The following DPYD variants were observed in gnomAD, a reference collection of about 807,000 sequenced individuals.
DPYD encodes dihydropyrimidine dehydrogenase [NADP(+)].
In DPYD, 109 loss-of-function variants were observed where a neutral mutation model predicts 116.2. The ratio of observed to expected loss-of-function variants is 0.94; its 90% confidence interval spans 0.80 to 1.10. The LOEUF is 1.10. Ranked by LOEUF, DPYD falls within the 50% of genes least tolerant of loss-of-function variation. The pLI is 0.00. For missense variants in DPYD, 1,302 were observed against 1,254.5 expected, an observed-to-expected ratio of 1.04 and a Z score of -0.57; for synonymous variants, 440 against 432.0, an observed-to-expected ratio of 1.02 and a Z score of -0.23.
Position 97,203,674 on chromosome 1 carries a change from C to A in DPYD, c.2443-10426G>T, listed in dbSNP as rs1040926997. Among the ~76,000 whole-genome samples the A allele has an allele frequency of 0.018, 332 of 18,138 alleles. 7 individuals carry two copies. The Middle Eastern group carries it at 0.33, about 18-fold the overall frequency. The allele number at this position is 18,138 out of a possible 152,430, so 11.9% of individuals were successfully genotyped here. A position where few individuals can be genotyped will look rare whatever the true frequency, so the allele number is the denominator to read the frequency against. ...AGGATGAGTTCAGACCCCCCCCCCC[C>A]AAAAAAAAAAAAAGAGAAAAAGTCT... On this transcript the variant is annotated intron_variant, in intron 19 of 22. Transcript: ENST00000370192.
intron 15 of DPYD, among the ~76,000 whole-genome samples, chr1:97,380,674 A>C (rs1254915303): frequency 6.6e-6 from 1 of 152,204 alleles, no homozygotes; most frequent in African/African-American, 2.4e-5. Context: ...GGCATGCTAG[A>C]GTGTTGGTGT....
intron 3 of DPYD, among the ~76,000 whole-genome samples, chr1:97,745,291 C>T (rs1484579439): frequency 1.3e-5 from 2 of 152,130 alleles, no homozygotes; most frequent in Non-Finnish European, 2.9e-5. Context: ...CTTTTAACCA[C>T]ACCTGTGATG....
intron 5 of DPYD, among the ~76,000 whole-genome samples, chr1:97,706,104 C>T (rs900014010): frequency 1.3e-5 from 2 of 151,532 alleles, no homozygotes; most frequent in Non-Finnish European, 2.9e-5. Context: ...ATTTGTCATT[C>T]CTAACCCACT....
Position 97,657,420 on chromosome 1 carries a change from T to C in DPYD, c.850+21675A>G, listed in dbSNP as rs186652017. On this transcript the variant is annotated intron_variant, in intron 8 of 22. Transcript: ENST00000370192. ...ATTTTTAAATTAAATTTCCAAATTC[T>C]AAAACATGCAGTCTTGCCCATCAGC... is the stretch of plus-strand genomic sequence containing the variant. Among the ~76,000 whole-genome samples the C allele has an allele frequency of 6.6e-5, 10 of 152,350 alleles. No individual in the cohort carries two copies. The East Asian group carries it at 1.9e-3, about 29-fold the overall frequency.
At chr1:97,717,639 T>C (rs537059673) in intron 5 of DPYD, among the ~76,000 whole-genome samples, 1 of 152,156 alleles carries the variant, frequency 6.6e-6, no homozygotes, top group Admixed American at 6.6e-5. Context: ...ATTGTATCAT[T>C]CTTATGCTTT....
chr1:97,419,571 G>A (rs1036607578), intron 14 of DPYD, among the ~76,000 whole-genome samples: 2 of 150,990 alleles, frequency 1.3e-5, no homozygotes, highest in African/African-American at 4.9e-5. Flanking sequence ...AATTGAATAC[G>A]ATGAGACAAA....
Position 97,082,803 on chromosome 1 carries a change from C to T in DPYD, c.2767-333G>A, listed in dbSNP as rs2171826. Among the ~76,000 whole-genome samples the T allele has an allele frequency of 0.14, 21,750 of 152,070 alleles. 1,701 individuals carry two copies. The highest frequency in any genetic ancestry group is 0.17 in the Non-Finnish European group (11,849 of 67,934). On this transcript the variant is annotated intron_variant, in intron 21 of 22. Transcript: ENST00000370192. ...TGAGTTGTTATGGCTAACTTTTTCT[C>T]ATTTTTGGACCTTGAAGGACCAAAA...
chr1:97,448,933 G>A (rs1676241986), intron 14 of DPYD, among the ~76,000 whole-genome samples: 1 of 151,716 alleles, frequency 6.6e-6, no homozygotes, highest in Admixed American at 6.6e-5. Context: ...TCAAATGCAT[G>A]TATTTTATGT....
chr1:97,573,132 T>C (rs1653016054), intron 11 of DPYD, among the ~76,000 whole-genome samples: 1 of 152,124 alleles, frequency 6.6e-6, no homozygotes, highest in Non-Finnish European at 1.5e-5. Context: ...AGAAACACTG[T>C]ATGTGGGAAA....
intron 16 of DPYD, among the ~76,000 whole-genome samples, chr1:97,322,182 T>C (rs1668326246): frequency 6.8e-6 from 1 of 147,494 alleles, no homozygotes; most frequent in Admixed American, 6.8e-5. Flanking sequence ...CATGTATACA[T>C]ATGTAACTAA....
At chr1:97,505,149 A>G (rs868803003) in intron 13 of DPYD, among the ~76,000 whole-genome samples, 1 of 152,078 alleles carries the variant, frequency 6.6e-6, no homozygotes, top group Non-Finnish European at 1.5e-5. Flanking sequence ...AGTTTGTATG[A>G]GGAGAGAAGT....
At chr1:97,277,981 T>G (rs148174923) in intron 18 of DPYD, among the ~76,000 whole-genome samples, 3 of 152,300 alleles carry the variant, frequency 2.0e-5, no homozygotes, top group African/African-American at 7.2e-5. Context: ...TCTACTATAT[T>G]TAGCCCTTTG....
chr1:97,772,608 A>G (rs1396614453), intron 3 of DPYD, among the ~76,000 whole-genome samples: 1 of 152,194 alleles, frequency 6.6e-6, no homozygotes, highest in Non-Finnish European at 1.5e-5. Context: ...CTGACTTGTG[A>G]AAGAAAGAAT....
intron 8 of DPYD, among the ~76,000 whole-genome samples, chr1:97,632,577 A>G (rs542478173): frequency 1.3e-5 from 2 of 152,276 alleles, no homozygotes; most frequent in East Asian, 3.9e-4. Flanking sequence ...TCATACATGT[A>G]CATTGCTATT....
Position 97,672,466 on chromosome 1 carries a change from G to A in DPYD, c.850+6629C>T, listed in dbSNP as rs564730419. The stretch of plus-strand genomic sequence containing the variant: ...TTGGGAGCCATTTTACAATTACACC[G>A]AAGTACTTACAAGTGACAGTAGATT... On this transcript the variant is annotated intron_variant, in intron 8 of 22. Transcript: ENST00000370192. 4.5e-4 allele frequency among the ~76,000 whole-genome samples: 69 copies of A among 151,954 alleles called. 1 individual carries two copies. The South Asian group carries it at 9.8e-3, about 22-fold the overall frequency.
At chr1:97,538,757 A>G (rs976099214) in intron 12 of DPYD, among the ~76,000 whole-genome samples, 5 of 152,214 alleles carry the variant, frequency 3.3e-5, no homozygotes, top group Non-Finnish European at 5.9e-5. Context: ...AACTGAAGAT[A>G]CTTGTGCTTC....
chr1:97,776,911 C>T (rs79875880), intron 3 of DPYD, among the ~76,000 whole-genome samples: 1 of 152,274 alleles, frequency 6.6e-6, no homozygotes, highest in East Asian at 1.9e-4. Context: ...ACTGTTATTA[C>T]AAGTTTAGAC....
At chr1:97,426,419 A>G (rs1166008786) in intron 14 of DPYD, among the ~76,000 whole-genome samples, 2 of 152,090 alleles carry the variant, frequency 1.3e-5, no homozygotes, top group Non-Finnish European at 2.9e-5. Flanking sequence ...AGGTCTCATG[A>G]ATATTTGGGG....
At chr1:97,800,425 T>C (rs547835849) in intron 3 of DPYD, among the ~76,000 whole-genome samples, 17 of 152,058 alleles carry the variant, frequency 1.1e-4, no homozygotes, top group Admixed American at 6.6e-5. Context: ...TGAAAACCTA[T>C]GCAGAAAACT....
Sources: allele counts gnomAD v4.1 joint callset (sites outside exome capture counted in the v4.1 genomes callset), GRCh38; gene constraint gnomAD v4.1.1; transcripts MANE v1.5; gene names NCBI Gene and HGNC (gene_info 2026-07-23, HGNC 2026-07-21).